Variants in PCDHGA4 observed in about 807,000 individuals in gnomAD.
PCDHGA4 encodes protocadherin gamma subfamily A, 4.
PCDHGA4 carries 38 observed loss-of-function variants against 54.6 expected under a neutral mutation model. The ratio of observed to expected loss-of-function variants is 0.70; its 90% CI spans 0.54 to 0.91. The LOEUF is 0.91. Ranked by LOEUF, PCDHGA4 falls within the 40% of genes least tolerant of loss-of-function variation. The pLI is 0.00. For synonymous variants in PCDHGA4, 511 were observed against 512.9 expected, an observed-to-expected ratio of 1.00 and a Z score of 0.05; for missense variants, 1,298 against 1,220.9, an observed-to-expected ratio of 1.06 and a Z score of -0.94.
Position 141,385,038 on chromosome 5 carries a change from G to A in PCDHGA4, c.2514+27417G>A, listed in dbSNP as rs377185831. The A allele has an allele frequency of 7.4e-6, 12 of 1,614,020 alleles. No individual in the cohort carries two copies. The African/African-American group carries it at 1.2e-4, about 16-fold the overall frequency. On this transcript the variant is annotated intron_variant, in intron 1 of 3. Transcript: ENST00000571252. ...TAGCCTTCGTCCTCGTACTGCTGGC[G>A]CTCAGGCTGCGGCGCTGGCACAAGT...
intron 1 of PCDHGA4, among the ~76,000 whole-genome samples, chr5:141,464,022 TG>T (rs948245337): frequency 1.3e-5 from 2 of 151,716 alleles, no homozygotes; most frequent in African/African-American, 4.8e-5. Context: ...TCCCACACTT[TG>T]GGAGGCCAAG....
chr5:141,356,296 A>G lies in PCDHGA4; in HGVS notation c.1189A>G (p.Ile397Val). Residue 397 changes from isoleucine (I) to valine (V), a missense_variant, in exon 1 of 4, where the codon ATT becomes GTT. Transcript: ENST00000571252. ...GGAATCTTCTTCCCCGGGTACAGTA[A>G]TTGCACTTTTCAACGTGCATGACAG... ...VQESSSPGTV[I>V]ALFNVHDSDS... The G allele has an allele frequency of 6.4e-7, 1 of 1,555,098 alleles. No individual in the cohort carries two copies. Among genetic ancestry groups the G allele is most frequent in the Non-Finnish European group, 8.7e-7 (1 of 1,148,726 alleles).
chr5:141,369,294 C>T (rs767666173), intron 1 of PCDHGA4, among the ~76,000 whole-genome samples: 37 of 152,084 alleles, frequency 2.4e-4, no homozygotes, highest in Non-Finnish European at 3.5e-4. Flanking sequence ...ATCCTAATAA[C>T]GCATCATTGT....
At position 141,423,386 on chromosome 5, in the gene PCDHGA4, G is replaced by C; in HGVS notation, c.2514+65765G>C. ...CTGCTGGCACTCAGGCTGTGGCGCT[G>C]GCATAAGTCACGCCTGCTGCAGGCT... On this transcript the variant is annotated intron_variant, in intron 1 of 3. Transcript: ENST00000571252. The C allele has an allele frequency of 1.9e-6, 3 of 1,614,160 alleles. No homozygotes were observed. The South Asian group carries it at 3.3e-5, about 18-fold the overall frequency.
chr5:141,382,690 G>T, intron 1 of PCDHGA4: 1 of 448,422 alleles, frequency 2.2e-6, no homozygotes, highest in Middle Eastern at 5.6e-4. Flanking sequence ...AGGGAAAAAT[G>T]GTGCGAGAGA....
chr5:141,366,196 C>T, intron 1 of PCDHGA4: 5 of 1,613,898 alleles, frequency 3.1e-6, no homozygotes, highest in Non-Finnish European at 4.2e-6. Context: ...TTGGGCTGCA[C>T]ACGGGCGAGG....
chr5:141,383,995 A>G, intron 1 of PCDHGA4: 1 of 1,613,890 alleles, frequency 6.2e-7, no homozygotes, highest in East Asian at 2.2e-5. Context: ...TGGGACAGTC[A>G]TTGCTCTTTT....
At chr5:141,492,527 G>A (rs1000672383) in intron 1 of PCDHGA4, among the ~76,000 whole-genome samples, 1 of 152,184 alleles carries the variant, frequency 6.6e-6, no homozygotes, top group African/African-American at 2.4e-5. Flanking sequence ...TCTCCCACCT[G>A]CGCCCCGGGC....
Position 141,421,742 on chromosome 5 carries a change from A to G in PCDHGA4, c.2514+64121A>G, listed in dbSNP as rs772984365. The stretch of plus-strand genomic sequence containing the variant: ...GGCGTGAACTCCCTCCAGAGCTACC[A>G]GCTCAGCCCTAATAATTACTTTTCC... On this transcript the variant is annotated intron_variant, in intron 1 of 3. Transcript: ENST00000571252. The G allele has an allele frequency of 4.3e-6, 7 of 1,613,826 alleles. No individual in the cohort carries two copies. The East Asian group carries it at 1.3e-4, about 31-fold the overall frequency.
intron 1 of PCDHGA4, chr5:141,364,871 G>T (rs775321480): frequency 3.7e-6 from 6 of 1,614,010 alleles, no homozygotes; most frequent in Non-Finnish European, 5.1e-6. Flanking sequence ...CTTCTCTCTG[G>T]ATGTGGTAAG....
At chr5:141,386,234 T>A (rs570347588) in intron 1 of PCDHGA4, among the ~76,000 whole-genome samples, 2 of 152,292 alleles carry the variant, frequency 1.3e-5, no homozygotes, top group Admixed American at 6.5e-5. Context: ...TACTGAAAAA[T>A]TCAGTTGGAA....
chr5:141,511,117 G>A lies in PCDHGA4; in HGVS notation c.2833G>A (p.Ala945Thr). Residue 945 changes from alanine to threonine, a missense_variant, in exon 4 of 4, where the codon GCC becomes ACC. Physicochemically the swap from Ala to Thr is moderately conservative, Grantham distance 58. Coordinates refer to ENST00000571252, the MANE Select transcript of PCDHGA4 (RefSeq NM_018917.4). ...TNAAGKRDGK[A>T]PAGGNGNKKK... ...CGCAGCTGGCAAGCGGGATGGCAAG[G>A]CCCCAGCAGGTGGCAATGGCAACAA... 6.2e-7 allele frequency: 1 copy of A among 1,614,216 alleles called. No homozygotes were observed. Among genetic ancestry groups the A allele is most frequent in the Non-Finnish European group, 8.5e-7 (1 of 1,180,026 alleles).
At chr5:141,377,523 G>C (rs937581595) in intron 1 of PCDHGA4, 1 of 151,990 alleles carries the variant, frequency 6.6e-6, no homozygotes, top group Non-Finnish European at 1.5e-5. Flanking sequence ...TTAAGTCCAG[G>C]GGTATGAGGC....
chr5:141,451,165 A>G (rs2098709571), intron 1 of PCDHGA4, among the ~76,000 whole-genome samples: 1 of 152,116 alleles, frequency 6.6e-6, no homozygotes, highest in Admixed American at 6.6e-5. Context: ...TTTTGGTAGT[A>G]TATTATTTAG....
In PCDHGA4 at chr5:141,360,958, G is replaced by A. The variant is rs1761818073; in HGVS notation, c.2514+3337G>A. 3.1e-6 allele frequency: 5 copies of A among 1,613,878 alleles called. No homozygotes were observed. In the African/African-American group the frequency reaches 5.3e-5, roughly 17 times the overall value. ...CACCGACCGGGATGAAGGCATAAAC[G>A]CAGAGATCACCTACTCCTTTCATAA... On this transcript the variant is annotated intron_variant, in intron 1 of 3. Transcript: ENST00000571252.
chr5:141,431,440 C>T lies in PCDHGA4; in HGVS notation c.2515-63367C>T. ...ACCCGGTGCGCACAGGCACCGCGCG[C>T]ATCCGCGTGATGGTTCTGGATGCGA... is the stretch of plus-strand genomic sequence containing the variant. On this transcript the variant is annotated intron_variant, in intron 1 of 3. Transcript: ENST00000571252. The surrounding 1 kb of genome is among the most constrained non-coding windows in gnomAD (Gnocchi z 4.8). 6.2e-7 allele frequency: 1 copy of T among 1,613,754 alleles called. No homozygotes were observed.
intron 1 of PCDHGA4, among the ~76,000 whole-genome samples, chr5:141,444,395 T>A (rs960583048): frequency 1.3e-5 from 2 of 151,996 alleles, no homozygotes; most frequent in Non-Finnish European, 2.9e-5. Context: ...AGTCTTGAAC[T>A]CCCAACCTCA....
chr5:141,422,409 A>G, intron 1 of PCDHGA4: 1 of 1,601,728 alleles, frequency 6.2e-7, no homozygotes. Flanking sequence ...TGCCTTTTAA[A>G]TTAGAAAAGA....
chr5:141,381,826 C>CT (rs770630741), intron 1 of PCDHGA4, among the ~76,000 whole-genome samples: 11,762 of 74,396 alleles, frequency 0.16, 1,041 homozygotes, highest in Non-Finnish European at 0.18. Flanking sequence ...CTTTCTTCTT[C>CT]TTTTTTTTTT....
Sources: allele counts gnomAD v4.1 joint callset (sites outside exome capture counted in the v4.1 genomes callset), GRCh38; gene constraint gnomAD v4.1.1; non-coding constraint Gnocchi (gnomAD v3.1); transcripts MANE v1.5; gene names NCBI Gene and HGNC (gene_info 2026-07-23, HGNC 2026-07-21).